The following BCAS3 variants were observed in gnomAD, a reference collection of about 807,000 sequenced individuals.
BCAS3 encodes BCAS3 microtubule associated cell migration factor.
Under a neutral mutation model 116.1 loss-of-function variants are expected in BCAS3, and 53 were observed. The ratio of observed to expected loss-of-function variants is 0.46; its 90% CI spans 0.37 to 0.57. The LOEUF (loss-of-function observed/expected upper bound fraction) is 0.57, where lower values mean the gene tolerates loss of function less well. Among genes scored for constraint, BCAS3 ranks in the 20% least tolerant of loss-of-function variants. BCAS3 has a pLI of 0.00. For synonymous variants in BCAS3, 391 were observed against 408.2 expected (o/e 0.96, Z 0.51); for missense variants, 917 against 1,165.4 (o/e 0.79, Z 3.10).
rs2069417185 is a variant in BCAS3 at position 61,056,639 on chromosome 17, T to G, written c.2029+15747T>G. Among the ~76,000 whole-genome samples, 1 of 152,180 alleles carries G rather than the reference T, an allele frequency of 6.6e-6. No individual in the cohort carries two copies. The highest frequency in any genetic ancestry group is 6.5e-5 in the Admixed American group (1 of 15,268). The stretch of plus-strand genomic sequence containing the variant: ...ATATATACTGGCTTGTTTATTTTAT[T>G]AAAAATACATGAGCTACACAGAGAT... On this transcript the variant is annotated intron_variant, in intron 19 of 23. Transcript: ENST00000407086. The surrounding 1 kb of genome is among the most constrained non-coding windows in gnomAD (Gnocchi z 4.9).
intron 22 of BCAS3, among the ~76,000 whole-genome samples, chr17:61,297,425 G>A (rs1168763942): frequency 6.6e-6 from 1 of 152,110 alleles, no homozygotes; most frequent in Non-Finnish European, 1.5e-5. Flanking sequence ...GTGATCTAGT[G>A]GTGTGTGTGT....
chr17:60,679,260 AT>A (rs1399806823), intron 1 of BCAS3, among the ~76,000 whole-genome samples, 192 bp from the exon 2 acceptor site: 1 of 152,144 alleles, frequency 6.6e-6, no homozygotes, highest in Non-Finnish European at 1.5e-5. Context: ...CCTCATTATA[AT>A]TTGAAAAAAA....
At chr17:61,275,760 T>C (rs1327640515) in intron 22 of BCAS3, among the ~76,000 whole-genome samples, 1 of 152,164 alleles carries the variant, frequency 6.6e-6, no homozygotes, top group East Asian at 1.9e-4. Context: ...GGCCAGCACA[T>C]CAGTGACGGT....
At chr17:61,100,354 G>C (rs2074247231) in intron 22 of BCAS3, among the ~76,000 whole-genome samples, 1 of 152,156 alleles carries the variant, frequency 6.6e-6, no homozygotes, top group Non-Finnish European at 1.5e-5. Context: ...CCTCAAATTA[G>C]AGTTTTTATA....
intron 23 of BCAS3, among the ~76,000 whole-genome samples, chr17:61,371,880 A>G (rs1325698425): frequency 6.6e-6 from 1 of 152,206 alleles, no homozygotes; most frequent in African/African-American, 2.4e-5. Flanking sequence ...TCAGTTTTAA[A>G]TTATGGTTAA....
rs751597697 is a variant in BCAS3 at position 61,367,038 on chromosome 17, G to T, written c.2426-1289G>T. Among the ~76,000 whole-genome samples, 1 of 152,210 alleles carries T rather than the reference G, an allele frequency of 6.6e-6. No homozygotes were observed. The highest frequency in any genetic ancestry group is 1.5e-5 in the Non-Finnish European group (1 of 68,042). ...GGACCGCCTGCCGAGGCTGGGGCTC[G>T]CACCCTCTCTATTACCACCTGTCAT... On this transcript the variant is annotated intron_variant, in intron 22 of 23. Transcript: ENST00000407086. The surrounding 1 kb of genome is among the most constrained non-coding windows in gnomAD (Gnocchi z 6.2).
intron 22 of BCAS3, among the ~76,000 whole-genome samples, chr17:61,284,741 C>G (rs74547678): frequency 6.6e-6 from 1 of 151,350 alleles, no homozygotes; most frequent in Non-Finnish European, 1.5e-5. Flanking sequence ...TATTTGTTCC[C>G]TTAAGGCCAT....
rs1555831750 is a variant in BCAS3, at chr17:61,329,343, A to ATTATTATTTTTT, written c.2426-38982_2426-38981insATTATTTTTTTT. ...AGGCCATGTTATTATTATTATTATT[A>ATTATTATTTTTT]TTTTTTTTTTTTTTTGAGACGGAGT... On this transcript the variant is annotated intron_variant, in intron 22 of 23. Transcript: ENST00000407086. Among the ~76,000 whole-genome samples, 335 of 131,266 alleles carry ATTATTATTTTTT rather than the reference A, an allele frequency of 2.6e-3. 1 individual carries two copies. Among genetic ancestry groups the ATTATTATTTTTT allele is most frequent in the African/African-American group, 9.1e-3 (311 of 34,014 alleles). 86.1% of individuals were successfully genotyped at this position (131,266 alleles called of 152,430 possible).
chr17:61,015,741 C>G lies in BCAS3; in HGVS notation c.1487-10C>G. On this transcript the variant is annotated splice_polypyrimidine_tract_variant and intron_variant, in intron 15 of 23. Coordinates refer to ENST00000407086, the MANE Select transcript of BCAS3 (RefSeq NM_017679.5). The stretch of plus-strand genomic sequence containing the variant: ...CTCAGTGATGCTTTTCTTTATTTTT[C>G]TCTTTGTAGGGAAACTGAACAGCCA... The G allele has an allele frequency of 6.2e-7, 1 of 1,613,560 alleles. No individual in the cohort carries two copies. Among genetic ancestry groups the G allele is most frequent in the Non-Finnish European group, 8.5e-7 (1 of 1,179,660 alleles).
rs975094669 is a variant in BCAS3, at chr17:61,032,765, C to T, written c.1638-1901C>T. On this transcript the variant is annotated intron_variant, in intron 16 of 23. Transcript: ENST00000407086. This position sits in a 1 kb window ranked among gnomAD's most constrained non-coding sequence, Gnocchi z 4.6. ...CCCACAGAAACTTTTTATTTAAAAACGATGTCTTTATTCCCTGTCACTGGA... is the reference window on the plus strand; with the variant it reads ...CCCACAGAAACTTTTTATTTAAAAATGATGTCTTTATTCCCTGTCACTGGA... 6.6e-6 allele frequency among the ~76,000 whole-genome samples: 1 copy of T among 152,114 alleles called. No individual in the cohort carries two copies. The highest frequency in any genetic ancestry group is 1.5e-5 in the Non-Finnish European group (1 of 68,004).
chr17:61,242,229 T>C (rs981640152), intron 22 of BCAS3, among the ~76,000 whole-genome samples: 3 of 151,252 alleles, frequency 2.0e-5, no homozygotes, highest in East Asian at 3.9e-4. Context: ...TGAGCCAGGA[T>C]TGCACCATTG....
rs941676444 is a variant in BCAS3 at position 61,315,422 on chromosome 17, G to A, written c.2426-52905G>A. On this transcript the variant is annotated intron_variant, in intron 22 of 23. Coordinates refer to ENST00000407086, the MANE Select transcript of BCAS3 (RefSeq NM_017679.5). The surrounding 1 kb of genome is among the most constrained non-coding windows in gnomAD (Gnocchi z 5.3). ...GTGTGAGCCACCGCGCCCAGCCAAC[G>A]CACTCCTGTTCTGAGACACGGGAGG... is the stretch of plus-strand genomic sequence containing the variant. Among the ~76,000 whole-genome samples the A allele has an allele frequency of 4.6e-5, 7 of 152,110 alleles. No homozygotes were observed. The highest frequency in any genetic ancestry group is 7.4e-5 in the Non-Finnish European group (5 of 68,006).
intron 6 of BCAS3, among the ~76,000 whole-genome samples, chr17:60,796,070 A>G (rs1167921837): frequency 6.6e-6 from 1 of 152,134 alleles, no homozygotes; most frequent in African/African-American, 2.4e-5. Flanking sequence ...TGCATCCCTG[A>G]TATGAAACCC....
At chr17:60,896,020 C>T (rs906261359) in intron 10 of BCAS3, among the ~76,000 whole-genome samples, 2 of 152,122 alleles carry the variant, frequency 1.3e-5, no homozygotes, top group African/African-American at 4.8e-5. Context: ...CTATTAGGTC[C>T]ATTGGGTCTA....
In BCAS3 at chr17:61,037,903, G is replaced by C; in HGVS notation, c.1777G>C (p.Val593Leu). Residue 593 changes from valine to leucine, a missense_variant, in exon 18 of 24, where the codon GTT becomes CTT. Physicochemically the swap from Val to Leu is conservative, Grantham distance 32. Coordinates refer to ENST00000407086, the MANE Select transcript of BCAS3 (RefSeq NM_017679.5). The surrounding 1 kb of genome is among the most constrained non-coding windows in gnomAD (Gnocchi z 4.7). The part of the protein sequence containing the change: ...LKREKDQSKQ[V>L]VVESLYIISC... ...TCTGTTTGTAGATCAGTCCAAACAAGTTGTAGTTGAGTCCCTGTACATTAT... is the reference window on the plus strand; with the variant it reads ...TCTGTTTGTAGATCAGTCCAAACAACTTGTAGTTGAGTCCCTGTACATTAT... 6.2e-7 allele frequency: 1 copy of C among 1,613,974 alleles called. No homozygotes were observed. The highest frequency in any genetic ancestry group is 1.1e-5 in the South Asian group (1 of 91,036).
intron 23 of BCAS3, chr17:61,383,634 T>TAAG (rs949608874): frequency 2.6e-5 from 4 of 152,186 alleles, no homozygotes; most frequent in African/African-American, 7.2e-5. Context: ...AGAAAACAGA[T>TAAG]AAGAGCACAG....
At chr17:61,262,342 AC>A (rs1172254274) in intron 22 of BCAS3, among the ~76,000 whole-genome samples, 1 of 151,920 alleles carries the variant, frequency 6.6e-6, no homozygotes, top group African/African-American at 2.4e-5. Context: ...ATGAGAGAAG[AC>A]CCACATAAAT....
chr17:61,067,651 G>A (rs866809623), intron 19 of BCAS3, among the ~76,000 whole-genome samples: 82 of 150,062 alleles, frequency 5.5e-4, no homozygotes, highest in African/African-American at 1.8e-3. Context: ...GGGAGGCGGA[G>A]GCTGCAGTGA....
chr17:61,320,143 G>A (rs1427358139), intron 22 of BCAS3, among the ~76,000 whole-genome samples: 13 of 151,558 alleles, frequency 8.6e-5, no homozygotes, highest in Non-Finnish European at 1.5e-5. Context: ...TCCCGCCTCG[G>A]CCTCCCAAAG....
Sources: gnomAD v4.1 joint callset for allele counts (sites outside exome capture counted in the v4.1 genomes callset) on GRCh38, gnomAD v4.1.1 for gene constraint, Gnocchi (gnomAD v3.1) non-coding constraint, MANE v1.5 for transcripts, NCBI Gene and HGNC (gene_info 2026-07-23, HGNC 2026-07-21) for gene names.